Variants in CMTM4 observed in about 807,000 individuals in gnomAD.
CMTM4 encodes the protein CKLF-like MARVEL transmembrane domain-containing protein 4.
Under a neutral mutation model 19.0 loss-of-function variants are expected in CMTM4, and 8 were observed. The observed-to-expected ratio is 0.42, with a 90% CI of 0.25 to 0.76. The LOEUF (loss-of-function observed/expected upper bound fraction) is 0.76, where lower values mean the gene tolerates loss of function less well. Among genes scored for constraint, CMTM4 ranks in the 30% least tolerant of loss-of-function variants. The pLI is 0.27. For missense variants in CMTM4, 228 were observed against 290.2 expected, an observed-to-expected ratio of 0.79 and a Z score of 1.56; for synonymous variants, 106 against 121.1, an observed-to-expected ratio of 0.88 and a Z score of 0.82.
At chr16:66,683,161 G>GTATATATATATACA (rs2016956388) in intron 1 of CMTM4, among the ~76,000 whole-genome samples, 3 of 81,524 alleles carry the variant, frequency 3.7e-5, no homozygotes, top group South Asian at 9.8e-4. Flanking sequence ...ATATATATAC[G>GTATATATATATACA]TATATATATA....
At chr16:66,675,910 G>A (rs193162347) in intron 1 of CMTM4, among the ~76,000 whole-genome samples, 179 of 152,004 alleles carry the variant, frequency 1.2e-3, no homozygotes, top group African/African-American at 4.1e-3. Context: ...CACCCAGGCT[G>A]GAGTGCAGTG....
chr16:66,675,068 T>TA (rs199528187), intron 1 of CMTM4, among the ~76,000 whole-genome samples: 3 of 149,690 alleles, frequency 2.0e-5, no homozygotes, highest in East Asian at 2.0e-4. Flanking sequence ...TTTCTTTACT[T>TA]AAAAAAATTT....
chr16:66,666,576 A>G (rs1029778823), intron 1 of CMTM4, among the ~76,000 whole-genome samples: 1 of 152,258 alleles, frequency 6.6e-6, no homozygotes, highest in African/African-American at 2.4e-5. Context: ...TTCAATAGTA[A>G]GAAAACAAAC....
In CMTM4 at chr16:66,622,921, T is replaced by G. The variant is rs563399205; in HGVS notation, c.462+483A>C. On this transcript the variant is annotated intron_variant, in intron 3 of 3. Coordinates refer to ENST00000394106, the MANE Select transcript of CMTM4 (RefSeq NM_181521.3). This position sits in a 1 kb window ranked among gnomAD's most constrained non-coding sequence, Gnocchi z 4.0. ...ACTGTTCCTCATAAACTGAGAACAA[T>G]ACAGAAATGCAGGGCATGGAGAGGG... Among the ~76,000 whole-genome samples the G allele has an allele frequency of 6.6e-6, 1 of 152,220 alleles. No individual in the cohort carries two copies. Among genetic ancestry groups the G allele is most frequent in the African/African-American group, 2.4e-5 (1 of 41,462 alleles).
downstream of CMTM4, chr16:66,612,881 T>C (rs1770592425): frequency 4.9e-6 from 3 of 612,840 alleles, no homozygotes; most frequent in Non-Finnish European, 8.8e-6. The surrounding 1 kb of genome is among the most constrained non-coding windows in gnomAD (Gnocchi z 6.0). Context: ...TCTCCCCATT[T>C]CTGTCCCACA....
intron 1 of CMTM4, among the ~76,000 whole-genome samples, chr16:66,667,072 C>A (rs2016608556): frequency 6.6e-6 from 1 of 152,236 alleles, no homozygotes; most frequent in Non-Finnish European, 1.5e-5. Flanking sequence ...CGCCTGTAAT[C>A]CTAACACTTT....
At position 66,671,487 on chromosome 16, in the gene CMTM4, T is replaced by C. The variant is rs151195834; in HGVS notation, c.186+24853A>G. On this transcript the variant is annotated intron_variant, in intron 1 of 3. Coordinates refer to ENST00000394106, the MANE Select transcript of CMTM4 (RefSeq NM_181521.3). The stretch of plus-strand genomic sequence containing the variant: ...GATGGAGAGAACAACAATGGTTTCA[T>C]AGGAAAACATCAGCGGGCTCACTGA... 3.3e-5 allele frequency among the ~76,000 whole-genome samples: 5 copies of C among 152,330 alleles called. No homozygotes were observed. In the East Asian group the frequency reaches 7.7e-4, roughly 24 times the overall value.
Position 66,696,172 on chromosome 16 carries a change from C to G in CMTM4, c.186+168G>C, listed in dbSNP as rs957143104. Reference sequence around the variant, plus strand: ...CAGGCTCTGGCCGAAGGCGGGGTCCCCAGAGAAGGCTGCAGAGTGGTCCCG... The same window carrying G: ...CAGGCTCTGGCCGAAGGCGGGGTCCGCAGAGAAGGCTGCAGAGTGGTCCCG... On this transcript the variant is annotated intron_variant, in intron 1 of 3. Coordinates refer to ENST00000394106, the MANE Select transcript of CMTM4 (RefSeq NM_181521.3). This position sits in a 1 kb window ranked among gnomAD's most constrained non-coding sequence, Gnocchi z 4.3. 2.6e-5 allele frequency among the ~76,000 whole-genome samples: 4 copies of G among 152,124 alleles called. No homozygotes were observed. The highest frequency in any genetic ancestry group is 4.4e-5 in the Non-Finnish European group (3 of 67,988).
intron 1 of CMTM4, among the ~76,000 whole-genome samples, chr16:66,637,327 C>T (rs1029028452): frequency 6.6e-6 from 1 of 152,068 alleles, no homozygotes. Flanking sequence ...GGCAGATCAC[C>T]GGAGGTCTGG....
intron 1 of CMTM4, among the ~76,000 whole-genome samples, chr16:66,646,684 A>G (rs1026026903): frequency 6.6e-6 from 1 of 150,676 alleles, no homozygotes; most frequent in Non-Finnish European, 1.5e-5. Context: ...ACCAATCCTT[A>G]CTTGTTTTGA....
At chr16:66,669,990 G>C (rs1225860463) in intron 1 of CMTM4, among the ~76,000 whole-genome samples, 1 of 151,998 alleles carries the variant, frequency 6.6e-6, no homozygotes, top group East Asian at 1.9e-4. Context: ...CTTCAATTTT[G>C]CCACTTAATC....
At chr16:66,607,457 C>G in the CMTM4 span, among the ~76,000 whole-genome samples, 1 of 152,176 alleles carries the variant, frequency 6.6e-6, no homozygotes, top group Non-Finnish European at 1.5e-5. Context: ...CATTAAAACT[C>G]CAAAAGATTT....
intron 1 of CMTM4, among the ~76,000 whole-genome samples, chr16:66,671,707 C>A (rs1025750498): frequency 6.6e-6 from 1 of 152,150 alleles, no homozygotes. Flanking sequence ...CTTGGCCTAG[C>A]TGGGAAAACT....
intron 2 of CMTM4, among the ~76,000 whole-genome samples, chr16:66,626,422 T>C (rs577732314): frequency 2.2e-4 from 33 of 152,156 alleles, no homozygotes; most frequent in African/African-American, 2.9e-4. Context: ...CTAGGCAATA[T>C]GGCGAAACCC....
At chr16:66,646,387 A>G (rs1268164501) in intron 1 of CMTM4, among the ~76,000 whole-genome samples, 1 of 152,152 alleles carries the variant, frequency 6.6e-6, no homozygotes, top group East Asian at 1.9e-4. Context: ...ATACATGCAT[A>G]TAATATATAC....
downstream of CMTM4, among the ~76,000 whole-genome samples, chr16:66,610,690 T>C (rs2015343868): frequency 6.6e-6 from 1 of 151,984 alleles, no homozygotes; most frequent in African/African-American, 2.4e-5. The surrounding 1 kb of genome is among the most constrained non-coding windows in gnomAD (Gnocchi z 4.6). Context: ...GGGAGATGCT[T>C]CTCTGGACCA....
chr16:66,651,326 A>G (rs1308077183), intron 1 of CMTM4, among the ~76,000 whole-genome samples: 1 of 152,206 alleles, frequency 6.6e-6, no homozygotes, highest in Non-Finnish European at 1.5e-5. Context: ...ACCTTAAAAC[A>G]TAAGTTCCCA....
chr16:66,632,243 A>G (rs1052755115), intron 2 of CMTM4, among the ~76,000 whole-genome samples: 6 of 152,196 alleles, frequency 3.9e-5, no homozygotes, highest in African/African-American at 1.4e-4. Flanking sequence ...AGAACCCAAG[A>G]GCAACCAGAG....
At chr16:66,670,797 T>TA (rs200954509) in intron 1 of CMTM4, among the ~76,000 whole-genome samples, 116 of 139,816 alleles carry the variant, frequency 8.3e-4, no homozygotes, top group Admixed American at 6.4e-4. Context: ...AGACTCCATA[T>TA]AAAAAAAAAA....
Sources: allele counts gnomAD v4.1 joint callset (sites outside exome capture counted in the v4.1 genomes callset), GRCh38; gene constraint gnomAD v4.1.1; non-coding constraint Gnocchi (gnomAD v3.1); transcripts MANE v1.5; gene names NCBI Gene and HGNC (gene_info 2026-07-23, HGNC 2026-07-21).